PARD3B: variants seen among roughly 807,000 people sequenced by gnomAD.
The protein encoded by PARD3B is partitioning defective 3 homolog B.
Under a neutral mutation model 130.2 loss-of-function variants are expected in PARD3B, and 103 were observed. The observed-to-expected ratio is 0.79, with a 90% CI of 0.67 to 0.93. PARD3B has a LOEUF of 0.93. Among genes scored for constraint, PARD3B ranks in the 40% least tolerant of loss-of-function variants. The pLI is 0.00. For missense variants in PARD3B, 1,609 were observed against 1,499.2 expected (o/e 1.07, Z -1.21); for synonymous variants, 583 against 553.2 (o/e 1.05, Z -0.76).
At chr2:205,010,485 A>G (rs530875503) in intron 3 of PARD3B, among the ~76,000 whole-genome samples, 1 of 152,182 alleles carries the variant, frequency 6.6e-6, no homozygotes, top group Non-Finnish European at 1.5e-5. Flanking sequence ...CCTCATTTTC[A>G]TGAAGCTGAC....
At chr2:205,537,186 G>C (rs2051899981) in intron 21 of PARD3B, among the ~76,000 whole-genome samples, 2 of 152,056 alleles carry the variant, frequency 1.3e-5, no homozygotes, top group Admixed American at 6.6e-5. Flanking sequence ...AACAGTACTA[G>C]ATAATAAATA....
chr2:205,193,589 T>C (rs1281692165), intron 15 of PARD3B, among the ~76,000 whole-genome samples: 1 of 152,244 alleles, frequency 6.6e-6, no homozygotes, highest in Non-Finnish European at 1.5e-5. Flanking sequence ...TGATTCCTTC[T>C]GGAGGATCTG....
At chr2:205,023,487 C>CT (rs1440732541) in intron 3 of PARD3B, among the ~76,000 whole-genome samples, 1 of 108,920 alleles carries the variant, frequency 9.2e-6, no homozygotes, top group East Asian at 2.9e-4. Context: ...AAAGAAGCTA[C>CT]TTTTTTAAAT....
rs1410083049 is a variant in PARD3B, at chr2:205,287,737, A to G, written c.2186-12793A>G. 2.6e-5 allele frequency among the ~76,000 whole-genome samples: 4 copies of G among 152,116 alleles called. No individual in the cohort carries two copies. The highest frequency in any genetic ancestry group is 7.2e-5 in the African/African-American group (3 of 41,412). ...GGGGAGAAAAGAGAGACAGTTTAGGATAAGTGGAGAGTTGTGACACTCTTG... is the reference window on the plus strand; with the variant it reads ...GGGGAGAAAAGAGAGACAGTTTAGGGTAAGTGGAGAGTTGTGACACTCTTG... On this transcript the variant is annotated intron_variant, in intron 16 of 22. Transcript: ENST00000406610. The surrounding 1 kb of genome is among the most constrained non-coding windows in gnomAD (Gnocchi z 4.8).
chr2:205,186,549 TGTCCC>T (rs2036112493), intron 14 of PARD3B, among the ~76,000 whole-genome samples: 1 of 152,210 alleles, frequency 6.6e-6, no homozygotes, highest in Non-Finnish European at 1.5e-5. Context: ...TTCCATTCTG[TGTCCC>T]ATGATAATCC....
chr2:205,447,727 C>T lies in PARD3B; in HGVS notation c.3044+7055C>T, dbSNP rs76493175. Among the ~76,000 whole-genome samples, 7 of 152,326 alleles carry T rather than the reference C, an allele frequency of 4.6e-5. No homozygotes were observed. In the East Asian group the frequency reaches 7.7e-4, roughly 17 times the overall value. On this transcript the variant is annotated intron_variant, in intron 20 of 22. Transcript: ENST00000406610. The stretch of plus-strand genomic sequence containing the variant: ...TAGCACCTTCAGTGGTCAAGCCTCA[C>T]GTCCCACTCATCAGAGGCATCTTCT...
chr2:205,396,322 C>T (rs116739965), intron 18 of PARD3B, among the ~76,000 whole-genome samples: 2 of 152,244 alleles, frequency 1.3e-5, no homozygotes, highest in Non-Finnish European at 2.9e-5. Flanking sequence ...AATTTCATGA[C>T]GATATTGTGT....
intron 2 of PARD3B, among the ~76,000 whole-genome samples, chr2:204,710,751 G>T (rs1242031274): frequency 1.3e-5 from 2 of 152,134 alleles, no homozygotes; most frequent in African/African-American, 4.8e-5. Flanking sequence ...CCTCTGTGTT[G>T]GGGTCCTGGA....
intron 1 of PARD3B, among the ~76,000 whole-genome samples, chr2:204,612,626 G>T (rs1031320651): frequency 6.6e-6 from 1 of 152,100 alleles, no homozygotes; most frequent in Non-Finnish European, 1.5e-5. Flanking sequence ...ATAAAGTTAA[G>T]TGTGTATTCC....
At chr2:204,953,770 G>T (rs1419211943) in intron 2 of PARD3B, among the ~76,000 whole-genome samples, 1 of 152,150 alleles carries the variant, frequency 6.6e-6, no homozygotes, top group African/African-American at 2.4e-5. Context: ...CAAAACTTGT[G>T]TTCCGTTATT....
intron 21 of PARD3B, among the ~76,000 whole-genome samples, chr2:205,503,984 T>C (rs944162104): frequency 2.9e-4 from 44 of 152,326 alleles, no homozygotes; most frequent in African/African-American, 9.9e-4. Flanking sequence ...TTGTCTGTTA[T>C]TGGTGTATAA....
chr2:205,361,243 A>G (rs1423039151), intron 18 of PARD3B, among the ~76,000 whole-genome samples: 1 of 152,202 alleles, frequency 6.6e-6, no homozygotes, highest in East Asian at 1.9e-4. Context: ...GCAGGACAGT[A>G]TATTTGGAAA....
At chr2:205,336,501 A>G (rs964658482) in intron 18 of PARD3B, among the ~76,000 whole-genome samples, 2 of 152,284 alleles carry the variant, frequency 1.3e-5, no homozygotes, top group South Asian at 4.1e-4. Context: ...AATACCACTT[A>G]AGGTAATAAC....
intron 21 of PARD3B, among the ~76,000 whole-genome samples, chr2:205,547,081 TA>T (rs1379829100): frequency 1.3e-5 from 2 of 152,120 alleles, no homozygotes; most frequent in Non-Finnish European, 2.9e-5. Context: ...TTTCATTAAC[TA>T]ACATTGTATC....
Position 204,916,521 on chromosome 2 carries a change from G to C in PARD3B, c.223-48631G>C, listed in dbSNP as rs1408062244. ...AGCATATTGAATTTTAAATTCTATA[G>C]AGATTTATTAAAATTTACATTTTTT... On this transcript the variant is annotated intron_variant, in intron 2 of 22. Coordinates refer to ENST00000406610, the MANE Select transcript of PARD3B (RefSeq NM_001302769.2). Among the ~76,000 whole-genome samples, 6 of 152,168 alleles carry C rather than the reference G, an allele frequency of 3.9e-5. 1 individual carries two copies. In the South Asian group the frequency reaches 8.3e-4, roughly 21 times the overall value.
At chr2:204,600,353 G>T (rs530039277) in intron 1 of PARD3B, among the ~76,000 whole-genome samples, 137 of 151,772 alleles carry the variant, frequency 9.0e-4, no homozygotes, top group South Asian at 5.4e-3. Flanking sequence ...TTTTTGTATA[G>T]AGAGATGGGA....
chr2:205,161,079 G>A (rs2034478452), intron 11 of PARD3B, among the ~76,000 whole-genome samples: 2 of 152,114 alleles, frequency 1.3e-5, no homozygotes, highest in African/African-American at 2.4e-5. Context: ...CCTAATGACA[G>A]CTCTATTTGT....
intron 18 of PARD3B, among the ~76,000 whole-genome samples, chr2:205,378,693 A>G (rs949393285): frequency 1.4e-5 from 2 of 147,376 alleles, no homozygotes; most frequent in African/African-American, 5.1e-5. Context: ...GTGCAATGGC[A>G]CGATCTCAGC....
chr2:204,886,467 C>T (rs553649614), intron 2 of PARD3B, among the ~76,000 whole-genome samples: 4 of 152,236 alleles, frequency 2.6e-5, no homozygotes, highest in South Asian at 2.1e-4. Flanking sequence ...TGCCTGCCAG[C>T]GCATTGGGTC....
Sources: gnomAD v4.1 joint callset for allele counts (sites outside exome capture counted in the v4.1 genomes callset) on GRCh38, gnomAD v4.1.1 for gene constraint, Gnocchi (gnomAD v3.1) non-coding constraint, MANE v1.5 for transcripts, NCBI Gene and HGNC (gene_info 2026-07-23, HGNC 2026-07-21) for gene names.